Variants in RAF1 observed in about 807,000 individuals in gnomAD.
RAF1 encodes the protein Raf-1 proto-oncogene, serine/threonine kinase, also known as RAF proto-oncogene serine/threonine-protein kinase.
RAF1 carries 27 observed loss-of-function variants against 81.1 expected under a neutral mutation model. That is an observed-to-expected ratio of 0.33 (90% CI 0.25 to 0.46). The LOEUF is 0.46. Ranked by LOEUF, RAF1 falls within the 20% of genes least tolerant of loss-of-function variation. The pLI is 1.00. For synonymous variants in RAF1, 298 were observed against 294.0 expected, an observed-to-expected ratio of 1.01 and a Z score of -0.14; for missense variants, 598 against 826.0, an observed-to-expected ratio of 0.72 and a Z score of 3.38.
At chr3:12,658,852 G>C (rs2060782706) in intron 1 of RAF1, among the ~76,000 whole-genome samples, 1 of 152,146 alleles carries the variant, frequency 6.6e-6, no homozygotes, top group African/African-American at 2.4e-5. Flanking sequence ...TACTTTGTGA[G>C]TAATTTGCCA....
intron 1 of RAF1, among the ~76,000 whole-genome samples, chr3:12,658,367 C>T (rs2060766734): frequency 1.3e-5 from 2 of 152,184 alleles, no homozygotes; most frequent in African/African-American, 2.4e-5. Context: ...CTTTGGGAGG[C>T]TGAGGCAGGC....
At chr3:12,645,143 T>C (rs1195283218) in intron 1 of RAF1, among the ~76,000 whole-genome samples, 3 of 149,376 alleles carry the variant, frequency 2.0e-5, no homozygotes, top group African/African-American at 7.4e-5. Flanking sequence ...GACAAAAATA[T>C]CTAAGGTAGC....
At chr3:12,590,601 C>CAGGT (rs1553611078) in intron 13 of RAF1, 197 bp downstream of exon 12, 4 of 630,578 alleles carry the variant, frequency 6.3e-6, no homozygotes, top group Non-Finnish European at 1.1e-5. Flanking sequence ...GCTGGGATTA[C>CAGGT]AGGTGTGAGC....
intron 6 of RAF1, among the ~76,000 whole-genome samples, chr3:12,605,376 T>C (rs1459877921): frequency 6.6e-6 from 1 of 151,756 alleles, no homozygotes; most frequent in East Asian, 1.9e-4. Context: ...CCTACCACGT[T>C]CAAGATTCTC....
At chr3:12,610,366 T>C (rs1264811370) in intron 3 of RAF1, among the ~76,000 whole-genome samples, 1 of 152,204 alleles carries the variant, frequency 6.6e-6, no homozygotes, top group African/African-American at 2.4e-5. Flanking sequence ...CAAAGGACTA[T>C]TTTGCCCTTA....
chr3:12,597,053 C>G (rs1054262586), intron 11 of RAF1, among the ~76,000 whole-genome samples: 1 of 152,128 alleles, frequency 6.6e-6, no homozygotes, highest in East Asian at 1.9e-4. Context: ...CGCCCACCCC[C>G]ACGCCCGGCT....
At chr3:12,633,943 A>AC (rs2059940011) in intron 1 of RAF1, among the ~76,000 whole-genome samples, 1 of 151,682 alleles carries the variant, frequency 6.6e-6, no homozygotes, top group African/African-American at 2.4e-5. Flanking sequence ...TCAAAAAAAA[A>AC]AAAAAAAACA....
In RAF1 at chr3:12,650,273, G is replaced by A. The variant is rs75597473; in HGVS notation, c.-27+13540C>T. On this transcript the variant is annotated intron_variant, in intron 1 of 17. Coordinates refer to ENST00000442415, the MANE Select transcript of RAF1 (RefSeq NM_001354689.3). ...CAGGAGGTCGAGGCTGGAGTGAGCCGTGACTGCATCACTGCACTCTAGCCT... is the reference window on the plus strand; with the variant it reads ...CAGGAGGTCGAGGCTGGAGTGAGCCATGACTGCATCACTGCACTCTAGCCT... 4.6e-5 allele frequency among the ~76,000 whole-genome samples: 7 copies of A among 151,556 alleles called. No individual in the cohort carries two copies. The East Asian group carries it at 7.8e-4, about 17-fold the overall frequency.
chr3:12,628,213 C>T (rs188193810), intron 1 of RAF1, among the ~76,000 whole-genome samples: 2 of 152,248 alleles, frequency 1.3e-5, no homozygotes, highest in East Asian at 3.8e-4. Flanking sequence ...GTAATCCCTG[C>T]ACTTCGGGAG....
chr3:12,607,336 CAT>C (rs1407251376), intron 5 of RAF1, among the ~76,000 whole-genome samples: 4 of 152,118 alleles, frequency 2.6e-5, no homozygotes, highest in African/African-American at 9.7e-5. Flanking sequence ...GAGATTTTGA[CAT>C]ATGTCTGTTA....
intron 1 of RAF1, among the ~76,000 whole-genome samples, chr3:12,653,613 C>A (rs1006739352): frequency 6.6e-6 from 1 of 151,862 alleles, no homozygotes; most frequent in African/African-American, 2.4e-5. Context: ...GTTGTGGTAG[C>A]GAGTGCCTGC....
intron 1 of RAF1, among the ~76,000 whole-genome samples, chr3:12,658,863 A>G (rs540840399): frequency 6.6e-6 from 1 of 152,314 alleles, no homozygotes; most frequent in Admixed American, 6.5e-5. Flanking sequence ...TAATTTGCCA[A>G]ACTTTAGATA....
chr3:12,641,707 G>C (rs1436796602), intron 1 of RAF1, among the ~76,000 whole-genome samples: 4 of 151,874 alleles, frequency 2.6e-5, no homozygotes, highest in African/African-American at 4.8e-5. Flanking sequence ...GCACAAGTTG[G>C]TCTTGAACTC....
intron 1 of RAF1, among the ~76,000 whole-genome samples, chr3:12,622,117 T>A (rs2059573004): frequency 6.6e-6 from 1 of 152,186 alleles, no homozygotes; most frequent in Non-Finnish European, 1.5e-5. Context: ...CATAACTCTA[T>A]CCCCAGGTTA....
chr3:12,642,691 C>CACAT lies in RAF1; in HGVS notation c.-27+21121_-27+21122insATGT, dbSNP rs2060228314. Among the ~76,000 whole-genome samples the CACAT allele has an allele frequency of 2.0e-5, 3 of 147,788 alleles. 1 individual carries two copies. The South Asian group carries it at 6.7e-4, about 33-fold the overall frequency. On this transcript the variant is annotated intron_variant, in intron 1 of 17. Transcript: ENST00000442415. Reference sequence around the variant, plus strand: ...ATCTCTACACACACACACACACACACACACACACACACACACACACACACA... The same window carrying CACAT: ...ATCTCTACACACACACACACACACACACATACACACACACACACACACACACACA...
At chr3:12,634,473 T>G (rs1008073773) in intron 1 of RAF1, among the ~76,000 whole-genome samples, 16 of 152,022 alleles carry the variant, frequency 1.1e-4, no homozygotes, top group Non-Finnish European at 2.2e-4. Flanking sequence ...CTCAAGGGAT[T>G]TGTTACAGGA....
chr3:12,638,299 AT>A (rs2060087468), intron 1 of RAF1, among the ~76,000 whole-genome samples: 2 of 152,236 alleles, frequency 1.3e-5, no homozygotes, highest in South Asian at 4.1e-4. Context: ...AACAAAAGTT[AT>A]CAGTGCAGTC....
chr3:12,645,278 A>C (rs908172421), intron 1 of RAF1, among the ~76,000 whole-genome samples: 2 of 152,120 alleles, frequency 1.3e-5, no homozygotes, highest in African/African-American at 4.8e-5. Context: ...GAGAACTCAG[A>C]ATTTAACACA....
At chr3:12,626,858 T>A (rs1344661282) in intron 1 of RAF1, among the ~76,000 whole-genome samples, 9 of 151,594 alleles carry the variant, frequency 5.9e-5, no homozygotes, top group Non-Finnish European at 8.8e-5. Flanking sequence ...ACCCCATCCC[T>A]ACTAAAAATG....
Sources: allele counts gnomAD v4.1 joint callset (sites outside exome capture counted in the v4.1 genomes callset), GRCh38; gene constraint gnomAD v4.1.1; transcripts MANE v1.5; gene names NCBI Gene and HGNC (gene_info 2026-07-23, HGNC 2026-07-21).